The following VPS53 variants were observed in gnomAD, a reference collection of about 807,000 sequenced individuals.
VPS53 encodes the protein VPS53 subunit of GARP complex.
Under a neutral mutation model 107.0 loss-of-function variants are expected in VPS53, and 70 were observed. The ratio of observed to expected loss-of-function variants is 0.65; its 90% CI spans 0.54 to 0.80. The LOEUF is 0.80. VPS53 is among the 30% of genes least tolerant of loss of function. The pLI, the probability that VPS53 is intolerant of heterozygous loss-of-function variation, is 0.00. For synonymous variants in VPS53, 409 were observed against 393.3 expected (o/e 1.04, Z -0.47); for missense variants, 917 against 1,049.4 (o/e 0.87, Z 1.74).
chr17:676,255 G>A (rs1431853223), intron 4 of VPS53: 1 of 152,104 alleles, frequency 6.6e-6, no homozygotes, highest in Non-Finnish European at 1.5e-5. Context: ...GATGAAAGAG[G>A]GAAGAGGAAA....
intron 15 of VPS53, among the ~76,000 whole-genome samples, chr17:553,937 G>C (rs1402182043): frequency 6.6e-6 from 1 of 152,118 alleles, no homozygotes; most frequent in African/African-American, 2.4e-5. Context: ...AAAAATAGAG[G>C]GGGGGCCTAC....
intron 7 of VPS53, among the ~76,000 whole-genome samples, chr17:644,443 G>A (rs536594699): frequency 6.6e-6 from 1 of 152,250 alleles, no homozygotes; most frequent in South Asian, 2.1e-4. Flanking sequence ...GTAAACATAA[G>A]GGAAGCAAAT....
chr17:546,994 C>A (rs1473104424), intron 17 of VPS53, among the ~76,000 whole-genome samples: 1 of 151,654 alleles, frequency 6.6e-6, no homozygotes, highest in Admixed American at 6.6e-5. Flanking sequence ...CCTGTCTCAG[C>A]CTCCCAAGTA....
intron 13 of VPS53, among the ~76,000 whole-genome samples, chr17:575,746 C>A (rs1462064266): frequency 6.6e-6 from 1 of 151,588 alleles, no homozygotes; most frequent in Non-Finnish European, 1.5e-5. Flanking sequence ...CAGAGAACCT[C>A]CCTCAGGACC....
chr17:577,154 T>A (rs1285915240), intron 13 of VPS53, among the ~76,000 whole-genome samples: 1 of 146,632 alleles, frequency 6.8e-6, no homozygotes, highest in Admixed American at 6.8e-5. Flanking sequence ...CCAGAAAACC[T>A]CCTTCAGAAC....
At chr17:563,354 G>A (rs776349617) in intron 13 of VPS53, among the ~76,000 whole-genome samples, 6 of 147,248 alleles carry the variant, frequency 4.1e-5, no homozygotes, top group South Asian at 2.1e-4. Flanking sequence ...GGAGTGCAGC[G>A]GCATGATCTT....
chr17:592,716 C>A lies in VPS53; in HGVS notation c.1219-6352G>T, dbSNP rs189751170. On this transcript the variant is annotated intron_variant, in intron 12 of 21. Coordinates refer to ENST00000437048, the MANE Select transcript of VPS53 (RefSeq NM_001128159.3). Reference sequence around the variant, plus strand: ...TTTTAAGAATGTTGAATATTGGCCACCACTCTCTTCTGGCTTGTAGAGTTT... The same window carrying A: ...TTTTAAGAATGTTGAATATTGGCCAACACTCTCTTCTGGCTTGTAGAGTTT... Among the ~76,000 whole-genome samples the A allele has an allele frequency of 6.3e-4, 96 of 152,310 alleles. 1 individual carries two copies. The Middle Eastern group carries it at 0.024, about 38-fold the overall frequency.
chr17:643,654 G>A (rs1474320641), intron 7 of VPS53, among the ~76,000 whole-genome samples: 1 of 151,830 alleles, frequency 6.6e-6, no homozygotes. Context: ...TGGAAAGCGA[G>A]GACAACACTC....
chr17:630,275 G>C (rs1969897866), intron 8 of VPS53, among the ~76,000 whole-genome samples: 1 of 150,646 alleles, frequency 6.6e-6, no homozygotes, highest in Non-Finnish European at 1.5e-5. Context: ...CTGGGCCAAA[G>C]AGTGAAACTC....
At chr17:628,278 A>C in intron 8 of VPS53, 47 bp from the exon 9 acceptor site, 1 of 1,605,206 alleles carries the variant, frequency 6.2e-7, no homozygotes, top group Non-Finnish European at 8.5e-7. Flanking sequence ...AACAACCTTT[A>C]AACCTCATGG....
intron 19 of VPS53, among the ~76,000 whole-genome samples, chr17:530,026 CAA>C (rs539003592): frequency 7.1e-6 from 1 of 140,652 alleles, no homozygotes. Flanking sequence ...GGCAATACAG[CAA>C]AAAAAAAAAG....
Position 516,090 on chromosome 17 carries a change from C to T in VPS53, c.*3038G>A, listed in dbSNP as rs1381438134. On this transcript the variant is annotated 3_prime_UTR_variant, in exon 22 of 22. Transcript: ENST00000437048. ...AAGTGCTGGGATTACAGGCGTGAGC[C>T]ACCGCGCCTGACCCAACACAAGTTT... is the stretch of plus-strand genomic sequence containing the variant. 1 of 151,846 alleles carries T rather than the reference C, an allele frequency of 6.6e-6. No homozygotes were observed. The highest frequency in any genetic ancestry group is 1.5e-5 in the Non-Finnish European group (1 of 68,034). The allele number at this position is 151,846 out of a possible 1,614,324, so 9.4% of individuals were successfully genotyped here.
intron 11 of VPS53, among the ~76,000 whole-genome samples, chr17:615,129 C>G (rs373866395): frequency 3.3e-5 from 5 of 152,158 alleles, no homozygotes; most frequent in African/African-American, 1.2e-4. Context: ...CTTTTAATTT[C>G]AAGGCATTTT....
At chr17:589,809 G>A (rs1214066638) in intron 12 of VPS53, among the ~76,000 whole-genome samples, 2 of 152,110 alleles carry the variant, frequency 1.3e-5, no homozygotes, top group African/African-American at 4.8e-5. Context: ...GTCAGGTAGT[G>A]TGATGCCTCC....
intron 11 of VPS53, among the ~76,000 whole-genome samples, chr17:615,097 T>C (rs1245813596): frequency 6.6e-6 from 1 of 152,236 alleles, no homozygotes; most frequent in African/African-American, 2.4e-5. Flanking sequence ...ATGGATCCAG[T>C]TACATCACAT....
chr17:530,330 T>C (rs1387416010), intron 19 of VPS53, among the ~76,000 whole-genome samples: 1 of 152,056 alleles, frequency 6.6e-6, no homozygotes, highest in African/African-American at 2.4e-5. Context: ...ATTTTTGTAT[T>C]TTTAGTAGAG....
intron 7 of VPS53, among the ~76,000 whole-genome samples, chr17:646,689 G>T (rs62053769): frequency 8.6e-6 from 1 of 115,766 alleles, no homozygotes; most frequent in African/African-American, 3.2e-5. Context: ...TCCATATCAC[G>T]GACTGGAGAC....
intron 4 of VPS53, chr17:676,544 A>G (rs1972167378): frequency 6.6e-6 from 1 of 152,210 alleles, no homozygotes; most frequent in South Asian, 2.1e-4. Context: ...CGCAGAGTCT[A>G]GTTTAAACTT....
Position 511,700 on chromosome 17 carries a change from C to G in VPS53, c.*7428G>C, listed in dbSNP as rs1907954107. The G allele has an allele frequency of 6.6e-6, 1 of 152,048 alleles. No homozygotes were observed. The highest frequency in any genetic ancestry group is 2.4e-5 in the African/African-American group (1 of 41,376). 9.4% of individuals were successfully genotyped at this position (152,048 alleles called of 1,614,324 possible). On this transcript the variant is annotated 3_prime_UTR_variant, in exon 22 of 22. Coordinates refer to ENST00000437048, the MANE Select transcript of VPS53 (RefSeq NM_001128159.3). ...GCTCAGGCTTCCCAGTTAGAACTGC[C>G]TGTCCCAAGTTAATCTTGCTTAGTT...
Sources: allele counts gnomAD v4.1 joint callset (sites outside exome capture counted in the v4.1 genomes callset), GRCh38; gene constraint gnomAD v4.1.1; transcripts MANE v1.5; gene names NCBI Gene and HGNC (gene_info 2026-07-23, HGNC 2026-07-21).